The following GAS6 variants were observed in gnomAD, a reference collection of about 807,000 sequenced individuals.
The protein encoded by GAS6 is growth arrest-specific protein 6.
In GAS6, 41 loss-of-function variants were observed where a neutral mutation model predicts 75.8. That is an observed-to-expected ratio of 0.54 (90% CI 0.42 to 0.70). GAS6 has a LOEUF of 0.70. Among genes scored for constraint, GAS6 ranks in the 30% least tolerant of loss-of-function variants. The pLI, the probability that GAS6 is intolerant of heterozygous loss-of-function variation, is 0.00. For missense variants in GAS6, 854 were observed against 940.2 expected, an observed-to-expected ratio of 0.91 and a Z score of 1.20; for synonymous variants, 432 against 412.6, an observed-to-expected ratio of 1.05 and a Z score of -0.57.
intron 4 of GAS6, chr13:113,842,897 A>T: frequency 2.5e-6 from 1 of 397,052 alleles, no homozygotes; most frequent in East Asian, 3.6e-5. Context: ...AGGCTGAGGG[A>T]CAGTGCCTGC....
At position 113,839,737 on chromosome 13, in the gene GAS6, A is replaced by G. The variant is rs1485721824; in HGVS notation, c.457T>C (p.Cys153Arg). The G allele has an allele frequency of 6.2e-7, 1 of 1,613,762 alleles. No homozygotes were observed. Among genetic ancestry groups the G allele is most frequent in the Non-Finnish European group, 8.5e-7 (1 of 1,179,920 alleles). Residue 153 changes from cysteine (C) to arginine (R), a missense_variant, in exon 5 of 15, where the codon TGC (cysteine) becomes CGC (arginine). Coordinates refer to ENST00000327773, the MANE Select transcript of GAS6 (RefSeq NM_000820.4). ...CTTCAGCCTCACGTACCTTTGTCGC[A>G]GAGCCGGCCCCCCCAGCCAGCTTTA... ...LCKAGWGGRL[C>R]DKDVNECSQE...
intron 2 of GAS6, among the ~76,000 whole-genome samples, chr13:113,854,036 C>A (rs2051895209): frequency 6.6e-6 from 1 of 152,218 alleles, no homozygotes; most frequent in South Asian, 2.1e-4. Flanking sequence ...GGGAGACAGG[C>A]CCCAGGAAAG....
chr13:113,838,894 G>A (rs1048391619), intron 5 of GAS6, among the ~76,000 whole-genome samples: 20 of 152,144 alleles, frequency 1.3e-4, no homozygotes, highest in Non-Finnish European at 1.5e-5. Context: ...GGAGCAGAGA[G>A]GGACCCCAGG....
At chr13:113,840,667 T>C (rs2051765537) in intron 4 of GAS6, 1 of 152,204 alleles carries the variant, frequency 6.6e-6, no homozygotes, top group African/African-American at 2.4e-5. Flanking sequence ...CCCCGGGAAG[T>C]TGGCAGAAAG....
chr13:113,827,337 G>A (rs953601113), intron 11 of GAS6, among the ~76,000 whole-genome samples, 173 bp from the exon 12 acceptor site: 6 of 152,162 alleles, frequency 3.9e-5, no homozygotes, highest in Non-Finnish European at 7.3e-5. Context: ...TTTACACAAC[G>A]CCTCACTGCA....
At chr13:113,828,486 G>C (rs1255492476) in intron 11 of GAS6, 61 bp downstream of exon 11, 2 of 1,546,386 alleles carry the variant, frequency 1.3e-6, no homozygotes, top group Non-Finnish European at 1.8e-6. Context: ...GAGGCTTCCT[G>C]ACACCGTTCC....
At chr13:113,825,089 A>G (rs186984537) in intron 12 of GAS6, among the ~76,000 whole-genome samples, 1,895 of 152,094 alleles carry the variant, frequency 0.012, 49 homozygotes, top group African/African-American at 0.043. Flanking sequence ...GTGGTGGTGC[A>G]TGCCTGTAAT....
In GAS6 at chr13:113,863,517, C is replaced by T. The variant is rs2051990205; in HGVS notation, c.255+58G>A. The T allele has an allele frequency of 1.4e-6, 2 of 1,450,778 alleles. No homozygotes were observed. 89.9% of individuals were successfully genotyped at this position (1,450,778 alleles called of 1,614,324 possible). A position where few individuals can be genotyped will look rare whatever the true frequency, so the allele number is the denominator to read the frequency against. On this transcript the variant is annotated intron_variant, in intron 2 of 14. Transcript: ENST00000327773. The surrounding 1 kb of genome is among the most constrained non-coding windows in gnomAD (Gnocchi z 9.4). ...CGGCAGCAGCGCTGCCTCTCGGGAG[C>T]GGTTGGAGGCGCGCGGGCGCCAGGG...
intron 14 of GAS6, 151 bp downstream of exon 14, chr13:113,821,807 A>T: frequency 1.6e-6 from 1 of 623,550 alleles, no homozygotes; most frequent in East Asian, 2.9e-5. Flanking sequence ...GCCACTAACG[A>T]CCCACCTGGA....
intron 8 of GAS6, chr13:113,833,712 T>G (rs1410673353): frequency 1.0e-6 from 1 of 1,003,844 alleles, no homozygotes; most frequent in African/African-American, 1.8e-5. Flanking sequence ...GGCAGTGGTG[T>G]GACAGGCACC....
At chr13:113,835,814 G>A in intron 6 of GAS6, 179 bp from the exon 7 acceptor site, 1 of 1,409,062 alleles carries the variant, frequency 7.1e-7, no homozygotes, top group Non-Finnish European at 9.2e-7. Context: ...CTCCCGGGGT[G>A]TTGGTGCACG....
rs200207558 is a variant in GAS6, at chr13:113,832,737, C to T, written c.850G>A (p.Val284Met). The change falls in exon 9 of 15, where the codon GTG becomes ATG. Residue 284 changes from valine (V) to methionine (M), a missense_variant. Physicochemically the swap from Val to Met is conservative, Grantham distance 21 (BLOSUM62 1). Transcript: ENST00000327773. ...MDTCEDILPC[V>M]PFSVAKSVKS... The stretch of plus-strand genomic sequence containing the variant: ...ACACTCTTGGCCACGCTGAAGGGCA[C>T]GCACGGCAAGATGTCCTGCCACGGA... 510 of 1,612,678 alleles carry T rather than the reference C, an allele frequency of 3.2e-4. 1 individual carries two copies. Among genetic ancestry groups the T allele is most frequent in the Non-Finnish European group, 4.0e-4 (473 of 1,179,936 alleles).
At position 113,834,641 on chromosome 13, in the gene GAS6, C is replaced by T. The variant is rs1387263879; in HGVS notation, c.744G>A (p.Glu248=). ...DVDECLQGRC[E]QVCVNSPGSY... is the part of the protein sequence containing the mutation. ...TCCCTGGGGAGTTCACGCAGACCTG[C>T]TCACAGCGGCCCTGCAGACACTCGT... Residue 248 remains glutamate (E), a synonymous_variant, in exon 8 of 15, where the codon GAG becomes GAA. Coordinates refer to ENST00000327773, the MANE Select transcript of GAS6 (RefSeq NM_000820.4). 16 of 1,603,664 alleles carry T rather than the reference C, an allele frequency of 1.0e-5. No individual in the cohort carries two copies. In the South Asian group the frequency reaches 1.8e-4, roughly 18 times the overall value.
intron 2 of GAS6, among the ~76,000 whole-genome samples, chr13:113,858,813 G>T (rs1461714952): frequency 6.6e-6 from 1 of 151,518 alleles, no homozygotes; most frequent in Non-Finnish European, 1.5e-5. Context: ...ATGTCTATGT[G>T]AATGTGTGCA....
chr13:113,854,189 G>A lies in GAS6; in HGVS notation c.256-6139C>T, dbSNP rs1029860929. ...GGAGCTCATCCTGGTGTGACTGCCC[G>A]GTCAGATGTGGATGCTGGGAAAGGC... is the stretch of plus-strand genomic sequence containing the variant. On this transcript the variant is annotated intron_variant, in intron 2 of 14. Transcript: ENST00000327773. Among the ~76,000 whole-genome samples the A allele has an allele frequency of 4.6e-5, 7 of 152,344 alleles. No homozygotes were observed. The East Asian group carries it at 9.6e-4, about 21-fold the overall frequency.
Position 113,832,843 on chromosome 13 carries a change from G to A in GAS6, c.835-91C>T, listed in dbSNP as rs776003979. On this transcript the variant is annotated intron_variant, in intron 8 of 14. Transcript: ENST00000327773. ...GCCCCGGCCGCGCAGCGGGTCCACT[G>A]TCCCTCCTGTGCCTCGGGAGTGGCC... 5 of 1,594,654 alleles carry A rather than the reference G, an allele frequency of 3.1e-6. 1 individual carries two copies. In the South Asian group the frequency reaches 5.5e-5, roughly 18 times the overall value.
At chr13:113,821,169 CG>C in intron 14 of GAS6, 151 bp from the exon 15 acceptor site, 1 of 794,676 alleles carries the variant, frequency 1.3e-6, no homozygotes, top group South Asian at 1.7e-5. Context: ...GGTCCCCGTT[CG>C]TTTGGCCGCA....
At chr13:113,824,416 A>G (rs12872381) in intron 12 of GAS6, among the ~76,000 whole-genome samples, 32,839 of 77,966 alleles carry the variant, frequency 0.42, 10,506 homozygotes, top group African/African-American at 0.79. Flanking sequence ...TCAGGAGCAC[A>G]TGCGGTCTGG....
intron 5 of GAS6, among the ~76,000 whole-genome samples, chr13:113,838,544 G>A (rs1160788222): frequency 2.2e-5 from 3 of 137,988 alleles, no homozygotes. Context: ...GGAGCCCGGG[G>A]GTGCACAGCC....
Sources: gnomAD v4.1 joint callset for allele counts (sites outside exome capture counted in the v4.1 genomes callset) on GRCh38, gnomAD v4.1.1 for gene constraint, Gnocchi (gnomAD v3.1) non-coding constraint, MANE v1.5 for transcripts, NCBI Gene and HGNC (gene_info 2026-07-23, HGNC 2026-07-21) for gene names.